The following CALD1 variants were observed in gnomAD, a reference collection of about 807,000 sequenced individuals.
CALD1 encodes caldesmon.
In CALD1, 33 loss-of-function variants were observed where a neutral mutation model predicts 99.9. The ratio of observed to expected loss-of-function variants is 0.33; its 90% CI spans 0.25 to 0.44. CALD1 has a LOEUF of 0.44. Ranked by LOEUF, CALD1 falls within the 20% of genes least tolerant of loss-of-function variation. The pLI, the probability that CALD1 is intolerant of heterozygous loss-of-function variation, is 1.00. For synonymous variants in CALD1, 310 were observed against 325.0 expected (o/e 0.95, Z 0.50); for missense variants, 861 against 962.1 (o/e 0.89, Z 1.39).
At chr7:134,929,299 A>T (rs1025422569) in intron 4 of CALD1, among the ~76,000 whole-genome samples, 14 of 151,876 alleles carry the variant, frequency 9.2e-5, no homozygotes, top group African/African-American at 3.4e-4. Context: ...GGTTACACAG[A>T]TAAGTTCTTT....
At chr7:134,866,341 T>C (rs1800799897) in intron 2 of CALD1, among the ~76,000 whole-genome samples, 1 of 152,176 alleles carries the variant, frequency 6.6e-6, no homozygotes, top group Admixed American at 6.5e-5. Context: ...AAGAGTAAGA[T>C]AGATAAACAT....
chr7:134,873,141 C>T (rs141024777), intron 3 of CALD1, among the ~76,000 whole-genome samples: 1 of 152,100 alleles, frequency 6.6e-6, no homozygotes, highest in East Asian at 1.9e-4. Context: ...GAGCCACGAT[C>T]ATGCCACTGC....
At chr7:134,860,032 A>G (rs954421336) in intron 2 of CALD1, among the ~76,000 whole-genome samples, 15 of 152,136 alleles carry the variant, frequency 9.9e-5, no homozygotes, top group Non-Finnish European at 1.9e-4. Context: ...AACAGGTCAT[A>G]ACCTGTTAAC....
At chr7:134,711,685 T>TGC in the CALD1 span, among the ~76,000 whole-genome samples, 718 of 20,908 alleles carry the variant, frequency 0.034, 28 homozygotes, top group South Asian at 0.38. Flanking sequence ...TATATATGTG[T>TGC]GTGTGTGTGT....
intron 3 of CALD1, among the ~76,000 whole-genome samples, chr7:134,895,670 T>C (rs1802523072): frequency 6.6e-6 from 1 of 152,194 alleles, no homozygotes; most frequent in Admixed American, 6.5e-5. Context: ...ATCAACAATC[T>C]GGTGAGAGAG....
intron 3 of CALD1, among the ~76,000 whole-genome samples, chr7:134,905,772 A>C (rs550974442): frequency 2.0e-5 from 3 of 152,018 alleles, no homozygotes; most frequent in Non-Finnish European, 4.4e-5. Context: ...GGCCCTAAAA[A>C]GAAGTCATGA....
At chr7:134,917,548 C>T (rs1804305964) in intron 3 of CALD1, among the ~76,000 whole-genome samples, 2 of 152,224 alleles carry the variant, frequency 1.3e-5, no homozygotes, top group East Asian at 3.9e-4. Context: ...CGGAGTTTCA[C>T]CATGTTGGCC....
chr7:134,845,505 A>G (rs1467117221), intron 2 of CALD1, among the ~76,000 whole-genome samples: 1 of 152,248 alleles, frequency 6.6e-6, no homozygotes, highest in Non-Finnish European at 1.5e-5. Context: ...GGTAGGAAAT[A>G]GTAAATAGCA....
intron 1 of CALD1, among the ~76,000 whole-genome samples, chr7:134,762,312 T>C (rs1796785870): frequency 6.6e-6 from 1 of 152,236 alleles, no homozygotes; most frequent in African/African-American, 2.4e-5. Context: ...ATATATTCTA[T>C]GGCTCTAGGC....
chr7:134,964,278 T>C (rs755945017), intron 13 of CALD1, among the ~76,000 whole-genome samples: 9 of 152,092 alleles, frequency 5.9e-5, no homozygotes, highest in Non-Finnish European at 1.2e-4. Context: ...GAGCAAGTTG[T>C]TTACGTGGAG....
intron 1 of CALD1, among the ~76,000 whole-genome samples, chr7:134,794,669 T>C (rs1364531195): frequency 6.6e-6 from 1 of 152,130 alleles, no homozygotes; most frequent in Admixed American, 6.5e-5. Context: ...GTATTTTTAG[T>C]AGAAGTGGGG....
chr7:134,960,178 A>G, intron 12 of CALD1, 67 bp downstream of exon 12: 2 of 1,545,554 alleles, frequency 1.3e-6, no homozygotes, highest in East Asian at 2.2e-5. Flanking sequence ...ATTTTGATTT[A>G]GGAATCACAC....
rs1404691711 is a variant in CALD1 at position 134,896,879 on chromosome 7, C to T, written c.71+29075C>T. 3.3e-5 allele frequency among the ~76,000 whole-genome samples: 5 copies of T among 152,236 alleles called. No homozygotes were observed. In the East Asian group the frequency reaches 9.7e-4, roughly 29 times the overall value. ...ATTTTTAATCAGACTAGTGAGGATC[C>T]GTTTCCCTATAGAAACACAGCTTCG... On this transcript the variant is annotated intron_variant, in intron 3 of 14. Coordinates refer to ENST00000361675, the MANE Select transcript of CALD1 (RefSeq NM_033138.4).
chr7:134,806,240 C>T lies in CALD1; in HGVS notation c.-130+26491C>T, dbSNP rs10240937. ...GCCATGTTTCACATCAGTGTCTTGG[C>T]TGGAATTCCTAAGCAGATAGTTCAT... On this transcript the variant is annotated intron_variant, in intron 1 of 14. Coordinates refer to ENST00000361675, the MANE Select transcript of CALD1 (RefSeq NM_033138.4). Among the ~76,000 whole-genome samples the T allele has an allele frequency of 1.3e-3, 191 of 152,342 alleles. 1 individual carries two copies. Among genetic ancestry groups the T allele is most frequent in the African/African-American group, 4.3e-3 (179 of 41,580 alleles).
chr7:134,841,658 G>A (rs1188722232), intron 1 of CALD1, among the ~76,000 whole-genome samples: 1 of 152,224 alleles, frequency 6.6e-6, no homozygotes, highest in East Asian at 1.9e-4. Flanking sequence ...AGGTGATCAT[G>A]TGCTTCTTTG....
chr7:134,764,470 A>C (rs999668624), intron 1 of CALD1, among the ~76,000 whole-genome samples: 3 of 152,232 alleles, frequency 2.0e-5, no homozygotes. Context: ...TGTTCACCAC[A>C]ATGGCATTAG....
intron 1 of CALD1, among the ~76,000 whole-genome samples, chr7:134,796,760 A>AT (rs560652526): frequency 9.4e-4 from 143 of 152,002 alleles, no homozygotes; most frequent in Non-Finnish European, 1.9e-3. Flanking sequence ...CTAATTTTGT[A>AT]TTTTTTTGTA....
At chr7:134,762,204 G>A (rs1006065831) in intron 1 of CALD1, among the ~76,000 whole-genome samples, 1 of 152,220 alleles carries the variant, frequency 6.6e-6, no homozygotes, top group African/African-American at 2.4e-5. Context: ...TGAAGAGGAA[G>A]CAGAAAATAG....
At chr7:134,862,096 C>G (rs1040463602) in intron 2 of CALD1, among the ~76,000 whole-genome samples, 13 of 152,124 alleles carry the variant, frequency 8.5e-5, no homozygotes, top group Admixed American at 7.9e-4. Context: ...ATGATTTAAA[C>G]CAAACAGGTT....
Sources: gnomAD v4.1 joint callset for allele counts (sites outside exome capture counted in the v4.1 genomes callset) on GRCh38, gnomAD v4.1.1 for gene constraint, MANE v1.5 for transcripts, NCBI Gene and HGNC (gene_info 2026-07-23, HGNC 2026-07-21) for gene names.